SPMIP11: variants seen among roughly 807,000 people sequenced by gnomAD.
The protein encoded by SPMIP11 is long intergenic non-protein coding RNA 935.
chr12:48,769,722 G>A, the SPMIP11 span, among the ~76,000 whole-genome samples: 6 of 149,432 alleles, frequency 4.0e-5, no homozygotes, highest in Non-Finnish European at 1.5e-5. Context: ...GAGTAGCTGG[G>A]ATTACAGACA....
At chr12:48,730,713 G>A in the SPMIP11 span, among the ~76,000 whole-genome samples, 1 of 152,088 alleles carries the variant, frequency 6.6e-6, no homozygotes, top group Non-Finnish European at 1.5e-5. Context: ...CGAGGCGGGT[G>A]GATCACCTGA....
the SPMIP11 span, among the ~76,000 whole-genome samples, chr12:48,759,861 C>T: frequency 2.6e-5 from 4 of 152,108 alleles, no homozygotes; most frequent in Non-Finnish European, 5.9e-5. Flanking sequence ...GCCTGGAGTG[C>T]AATGGGGCCA....
At chr12:48,764,189 A>G in the SPMIP11 span, among the ~76,000 whole-genome samples, 2 of 151,302 alleles carry the variant, frequency 1.3e-5, no homozygotes, top group Admixed American at 6.6e-5. Context: ...GGGTTTCTCC[A>G]TGTTGGTCAG....
At chr12:48,770,641 G>A in the SPMIP11 span, 2 of 918,936 alleles carry the variant, frequency 2.2e-6, no homozygotes, top group South Asian at 3.0e-5. Context: ...GATATAGGAG[G>A]TCAGAGGGAA....
chr12:48,742,152 CAATCCT>C, the SPMIP11 span, among the ~76,000 whole-genome samples: 1 of 152,148 alleles, frequency 6.6e-6, no homozygotes, highest in Non-Finnish European at 1.5e-5. Context: ...TGGCCTCAAG[CAATCCT>C]TCTGCCTGGT....
the SPMIP11 span, among the ~76,000 whole-genome samples, chr12:48,733,424 C>T: frequency 0.59 from 89,427 of 151,902 alleles, 26,643 homozygotes; most frequent in East Asian, 0.76. Context: ...TAGTCCCTCC[C>T]TATTCATGGT....
the SPMIP11 span, among the ~76,000 whole-genome samples, chr12:48,758,417 C>T: frequency 2.1e-3 from 326 of 152,278 alleles, no homozygotes; most frequent in African/African-American, 7.3e-3. Context: ...TGCCACCTCC[C>T]GTCACTAGCG....
chr12:48,765,895 C>A, the SPMIP11 span: 3 of 499,646 alleles, frequency 6.0e-6, no homozygotes, highest in Admixed American at 1.0e-4. Context: ...ATAAGCCAGA[C>A]CTTGGAGTGA....
At chr12:48,768,299 G>C in the SPMIP11 span, 108 of 484,156 alleles carry the variant, frequency 2.2e-4, no homozygotes, top group African/African-American at 2.0e-3. Flanking sequence ...GCCTCCCTCT[G>C]CTTCTGCTAC....
the SPMIP11 span, among the ~76,000 whole-genome samples, chr12:48,740,143 G>T: frequency 6.6e-6 from 1 of 152,054 alleles, no homozygotes; most frequent in East Asian, 1.9e-4. Flanking sequence ...AGCCAATAAG[G>T]TCAATCTACC....
chr12:48,756,607 T>A, the SPMIP11 span, among the ~76,000 whole-genome samples: 1 of 152,082 alleles, frequency 6.6e-6, no homozygotes, highest in Non-Finnish European at 1.5e-5. Flanking sequence ...CAGAGATTAG[T>A]CAGCAATCCT....
chr12:48,760,958 G>A, the SPMIP11 span, among the ~76,000 whole-genome samples: 1 of 152,340 alleles, frequency 6.6e-6, no homozygotes, highest in Admixed American at 6.5e-5. Flanking sequence ...GGAATAGTAA[G>A]CACAAGCTTT....
the SPMIP11 span, among the ~76,000 whole-genome samples, chr12:48,763,681 C>CTTT: frequency 1.5e-5 from 2 of 137,446 alleles, no homozygotes; most frequent in Admixed American, 7.3e-5. Context: ...AGTAAAAGTA[C>CTTT]TTTTTTTTTT....
chr12:48,732,105 C>G, the SPMIP11 span, among the ~76,000 whole-genome samples: 1 of 149,398 alleles, frequency 6.7e-6, no homozygotes, highest in Middle Eastern at 3.4e-3. Context: ...GCTGAGATTG[C>G]GCCACTGCAC....
chr12:48,756,893 C>T, the SPMIP11 span, among the ~76,000 whole-genome samples: 1 of 151,706 alleles, frequency 6.6e-6, no homozygotes, highest in Non-Finnish European at 1.5e-5. Flanking sequence ...TCTCTTCCCT[C>T]AGCCACCCTG....
the SPMIP11 span, chr12:48,770,852 G>C: frequency 2.5e-6 from 4 of 1,614,280 alleles, no homozygotes; most frequent in Non-Finnish European, 3.4e-6. Context: ...AGCCAGGGCA[G>C]TGATGTGGGA....
At chr12:48,760,274 A>G in the SPMIP11 span, among the ~76,000 whole-genome samples, 1 of 151,858 alleles carries the variant, frequency 6.6e-6, no homozygotes, top group East Asian at 1.9e-4. Context: ...CCTGGGCTCA[A>G]GTGATCTTCT....
the SPMIP11 span, among the ~76,000 whole-genome samples, chr12:48,759,775 A>G: frequency 6.6e-6 from 1 of 151,964 alleles, no homozygotes; most frequent in Non-Finnish European, 1.5e-5. Flanking sequence ...GAGAAAGTAG[A>G]CTTGGTGGGG....
chr12:48,729,969 AC>A, the SPMIP11 span, among the ~76,000 whole-genome samples: 1 of 152,014 alleles, frequency 6.6e-6, no homozygotes, highest in Non-Finnish European at 1.5e-5. Context: ...GCTCTTCTCT[AC>A]CCTCTTTCAG....
Sources: allele counts gnomAD v4.1 joint callset (sites outside exome capture counted in the v4.1 genomes callset), GRCh38; gene constraint gnomAD v4.1.1; transcripts MANE v1.5; gene names NCBI Gene and HGNC (gene_info 2026-07-23, HGNC 2026-07-21).